Variants in EFCAB6 observed in about 807,000 individuals in gnomAD.
The protein encoded by EFCAB6 is EF-hand calcium binding domain 6.
In EFCAB6, 156 loss-of-function variants were observed where a neutral mutation model predicts 169.8. The observed-to-expected ratio is 0.92, with a 90% confidence interval of 0.81 to 1.05. EFCAB6 has a LOEUF of 1.05. EFCAB6 is among the 50% of genes least tolerant of loss of function. EFCAB6 has a pLI of 0.00. For synonymous variants in EFCAB6, 698 were observed against 676.4 expected, an observed-to-expected ratio of 1.03 and a Z score of -0.50; for missense variants, 1,800 against 1,829.1, an observed-to-expected ratio of 0.98 and a Z score of 0.29.
chr22:43,542,346 G>A (rs534733168), intron 27 of EFCAB6, among the ~76,000 whole-genome samples: 1 of 152,192 alleles, frequency 6.6e-6, no homozygotes, highest in African/African-American at 2.4e-5. Context: ...TTGGGAGGCC[G>A]AGACAGGAGG....
chr22:43,693,840 T>C (rs2058487344), intron 10 of EFCAB6, among the ~76,000 whole-genome samples: 1 of 152,008 alleles, frequency 6.6e-6, no homozygotes, highest in Non-Finnish European at 1.5e-5. Flanking sequence ...ATAACTCAAA[T>C]ACTGGATCAA....
rs762034549 is a variant in EFCAB6 at position 43,580,606 on chromosome 22, G to C, written c.3086C>G (p.Ala1029Gly). 2.5e-6 allele frequency: 4 copies of C among 1,613,976 alleles called. No individual in the cohort carries two copies. The highest frequency in any genetic ancestry group is 4.5e-5 in the East Asian group (2 of 44,878). The change falls in exon 25 of 32, where the codon GCA becomes GGA. Residue 1029 changes from alanine (A) to glycine (G), a missense_variant. Coordinates refer to ENST00000262726, the MANE Select transcript of EFCAB6 (RefSeq NM_022785.4). ...TCCTGTTGACTTGCTGTTCTCCACT[G>C]CTCTCAGGAAGTCGAGGTAATTGAT... The part of the protein sequence containing the change: ...NAINYLDFLR[A>G]VENSKSTGAQ...
At chr22:43,593,104 G>C (rs1322204114) in intron 23 of EFCAB6, among the ~76,000 whole-genome samples, 1 of 151,806 alleles carries the variant, frequency 6.6e-6, no homozygotes, top group Non-Finnish European at 1.5e-5. Context: ...ATCTTCATTG[G>C]AAAGACCCAC....
At chr22:43,714,498 A>G (rs2059264951) in intron 9 of EFCAB6, among the ~76,000 whole-genome samples, 1 of 150,792 alleles carries the variant, frequency 6.6e-6, no homozygotes, top group African/African-American at 2.4e-5. Flanking sequence ...GCCGAGATAT[A>G]GCTTTGTTTT....
At chr22:43,663,193 G>C (rs1344978126) in intron 17 of EFCAB6, among the ~76,000 whole-genome samples, 1 of 152,134 alleles carries the variant, frequency 6.6e-6, no homozygotes, top group Non-Finnish European at 1.5e-5. Context: ...AATTACTATC[G>C]CTGTTATTGC....
Position 43,554,977 on chromosome 22 carries a change from G to C in EFCAB6, c.3540C>G (p.Ala1180=), listed in dbSNP as rs2048616010. 4.3e-6 allele frequency: 7 copies of C among 1,614,196 alleles called. No homozygotes were observed. The highest frequency in any genetic ancestry group is 5.1e-6 in the Non-Finnish European group (6 of 1,180,030). Residue 1180 remains alanine, a synonymous_variant, in exon 27 of 32, where the codon GCC becomes GCG. Transcript: ENST00000262726. The stretch of plus-strand genomic sequence containing the variant: ...CAAAATTCTCAAACTCCTGGGTGAT[G>C]GCATGGTAATGGGAAGTCACTGCTT... The part of the protein sequence containing the change: ...LHKAVTSHYH[A]ITQEFENFDT...
chr22:43,567,795 CACATCACCAT>C (rs2049543001), intron 26 of EFCAB6, among the ~76,000 whole-genome samples: 1 of 152,184 alleles, frequency 6.6e-6, no homozygotes, highest in Non-Finnish European at 1.5e-5. Flanking sequence ...CTCTGGTCCT[CACATCACCAT>C]GCGAGGCAGC....
At chr22:43,677,716 G>C (rs769827772) in intron 13 of EFCAB6, among the ~76,000 whole-genome samples, 4 of 152,078 alleles carry the variant, frequency 2.6e-5, no homozygotes, top group Non-Finnish European at 5.9e-5. Flanking sequence ...GGCTGCAAGA[G>C]GAGTGCTGTT....
rs541567316 is a variant in EFCAB6 at position 43,795,173 on chromosome 22, G to C, written c.-7-12848C>G. Reference sequence around the variant, plus strand: ...AAAGTGAATATATTTTAATGGAGTAGGATATCACTGCTATAACTGGTAACT... The same window carrying C: ...AAAGTGAATATATTTTAATGGAGTACGATATCACTGCTATAACTGGTAACT... On this transcript the variant is annotated intron_variant, in intron 2 of 31. Coordinates refer to ENST00000262726, the MANE Select transcript of EFCAB6 (RefSeq NM_022785.4). This position sits in a 1 kb window ranked among gnomAD's most constrained non-coding sequence, Gnocchi z 4.2. Among the ~76,000 whole-genome samples, 7 of 152,242 alleles carry C rather than the reference G, an allele frequency of 4.6e-5. No homozygotes were observed. The East Asian group carries it at 1.2e-3, about 25-fold the overall frequency.
chr22:43,537,315 G>T lies in EFCAB6; in HGVS notation c.4048+62C>A. 1 of 1,576,792 alleles carries T rather than the reference G, an allele frequency of 6.3e-7. No homozygotes were observed. Among genetic ancestry groups the T allele is most frequent in the South Asian group, 1.2e-5 (1 of 84,978 alleles). On this transcript the variant is annotated intron_variant, in intron 29 of 31. Coordinates refer to ENST00000262726, the MANE Select transcript of EFCAB6 (RefSeq NM_022785.4). This position sits in a 1 kb window ranked among gnomAD's most constrained non-coding sequence, Gnocchi z 4.3. ...CCGGGGTGTGGCTTTGTACCCAGTGGGAACAGCCTCTTGCCACAGGGGCTG... is the reference window on the plus strand; with the variant it reads ...CCGGGGTGTGGCTTTGTACCCAGTGTGAACAGCCTCTTGCCACAGGGGCTG...
chr22:43,675,138 ATATAT>A (rs974769126), intron 13 of EFCAB6, among the ~76,000 whole-genome samples: 14 of 148,858 alleles, frequency 9.4e-5, no homozygotes, highest in East Asian at 1.9e-4. Context: ...GGAATTTTAT[ATATAT>A]TATAACTAAA....
chr22:43,618,220 A>AAG (rs748902729), intron 20 of EFCAB6, among the ~76,000 whole-genome samples: 1 of 120,724 alleles, frequency 8.3e-6, no homozygotes, highest in East Asian at 2.6e-4. Flanking sequence ...GAAAGAAAGA[A>AAG]AGAGAAAGAA....
At chr22:43,809,761 C>T (rs1291062057) in intron 1 of EFCAB6, among the ~76,000 whole-genome samples, 1 of 152,102 alleles carries the variant, frequency 6.6e-6, no homozygotes, top group African/African-American at 2.4e-5. Context: ...GTGCCTGCCA[C>T]CATGCCTGGC....
At chr22:43,570,947 G>A (rs1324196599) in intron 26 of EFCAB6, among the ~76,000 whole-genome samples, 1 of 152,230 alleles carries the variant, frequency 6.6e-6, no homozygotes, top group Non-Finnish European at 1.5e-5. Context: ...CAGAGCAGCG[G>A]CCTGGGACCT....
chr22:43,633,928 C>A (rs1420235085), intron 18 of EFCAB6, among the ~76,000 whole-genome samples: 1 of 152,210 alleles, frequency 6.6e-6, no homozygotes, highest in Non-Finnish European at 1.5e-5. Context: ...AGGGGCCACA[C>A]AGGGCCTCAC....
chr22:43,638,346 G>A (rs961794949), intron 17 of EFCAB6, among the ~76,000 whole-genome samples: 3 of 152,160 alleles, frequency 2.0e-5, no homozygotes, highest in African/African-American at 7.2e-5. Flanking sequence ...TTTCTAGGAG[G>A]CATTCCCCTA....
At chr22:43,539,882 G>C (rs1003188726) in intron 28 of EFCAB6, among the ~76,000 whole-genome samples, 3 of 152,076 alleles carry the variant, frequency 2.0e-5, no homozygotes, top group African/African-American at 7.2e-5. Context: ...TTCCCACCTT[G>C]CACCCGCTCT....
intron 13 of EFCAB6, among the ~76,000 whole-genome samples, chr22:43,677,150 A>C (rs1186809174): frequency 2.0e-5 from 3 of 152,242 alleles, no homozygotes; most frequent in Non-Finnish European, 4.4e-5. Flanking sequence ...AAATTTTTTA[A>C]ATGCTAATAG....
intron 1 of EFCAB6, among the ~76,000 whole-genome samples, chr22:43,811,868 C>T (rs2063142776): frequency 6.6e-6 from 1 of 152,154 alleles, no homozygotes; most frequent in Non-Finnish European, 1.5e-5. Context: ...CTGATTCTCA[C>T]AGAGAGGCAG....
Sources: gnomAD v4.1 joint callset for allele counts (sites outside exome capture counted in the v4.1 genomes callset) on GRCh38, gnomAD v4.1.1 for gene constraint, Gnocchi (gnomAD v3.1) non-coding constraint, MANE v1.5 for transcripts, NCBI Gene and HGNC (gene_info 2026-07-23, HGNC 2026-07-21) for gene names.